The following NOC2L variants were observed in gnomAD, a reference collection of about 807,000 sequenced individuals.
NOC2L encodes nucleolar complex protein 2 homolog.
NOC2L carries 101 observed loss-of-function variants against 94.2 expected under a neutral mutation model. That is an observed-to-expected ratio of 1.07 (90% CI 0.91 to 1.26). The LOEUF (loss-of-function observed/expected upper bound fraction) is 1.26, where lower values mean the gene tolerates loss of function less well. Ranked by LOEUF, NOC2L falls within the 50% of genes most tolerant of loss-of-function variation. The probability of loss-of-function intolerance (pLI) is 0.00; values close to 1 mark genes in which losing one functional copy is unlikely to be tolerated. For synonymous variants in NOC2L, 531 were observed against 413.4 expected, an observed-to-expected ratio of 1.28 and a Z score of -3.45; for missense variants, 1,076 against 980.1, an observed-to-expected ratio of 1.10 and a Z score of -1.31.
chr1:944,657 G>C lies in NOC2L; in HGVS notation c.*37C>G. The C allele has an allele frequency of 7.4e-7, 1 of 1,342,642 alleles. No individual in the cohort carries two copies. Among genetic ancestry groups the C allele is most frequent in the Non-Finnish European group, 1.0e-6 (1 of 958,822 alleles). The allele number at this position is 1,342,642 out of a possible 1,614,324, so 83.2% of individuals were successfully genotyped here. A position where few individuals can be genotyped will look rare whatever the true frequency, so the allele number is the denominator to read the frequency against. On this transcript the variant is annotated 3_prime_UTR_variant, in exon 19 of 19. Transcript: ENST00000327044. ...AGGGAGGTGGAAACACTGGCCACCA[G>C]CCCGGCAGCCCCTACAGGCCCCCCA...
chr1:947,995 G>A (rs1325308794), intron 14 of NOC2L, 136 bp downstream of exon 14: 6 of 686,764 alleles, frequency 8.7e-6, no homozygotes, highest in African/African-American at 1.8e-5. Context: ...GGCCTCACGG[G>A]GCGCGTTGCC....
At position 955,305 on chromosome 1, in the gene NOC2L, C is replaced by A. The variant is rs531106332; in HGVS notation, c.698+618G>T. On this transcript the variant is annotated intron_variant, in intron 6 of 18. Transcript: ENST00000327044. ...CGGCGAGACCTCTCCTGTGGGTCTC[C>A]TTTCTTCCTTTGAAGGTGTCCTGGG... is the stretch of plus-strand genomic sequence containing the variant. Among the ~76,000 whole-genome samples, 10 of 152,374 alleles carry A rather than the reference C, an allele frequency of 6.6e-5. No individual in the cohort carries two copies. The South Asian group carries it at 1.7e-3, about 25-fold the overall frequency.
Position 945,555 on chromosome 1 carries a change from G to C in NOC2L, c.2016C>G (p.Ser672Arg). ...ATCCCTCGGTGTCGTCCTCTTCAGA[G>C]CTGTTCAGGTCAAAGAGGTCTTTAA... ...KQFKDLFDLNSSEEDDTEGFS... is the reference protein window; with the variant it reads ...KQFKDLFDLNRSEEDDTEGFS... Residue 672 changes from serine to arginine, a missense_variant, in exon 17 of 19, where the codon AGC (serine) becomes AGG (arginine). By Grantham distance (110) the Ser-to-Arg change is moderately radical. This residue lies in a region of NOC2L where 615 missense variants were observed against 577.4 expected (regional missense o/e 1.07). Coordinates refer to ENST00000327044, the MANE Select transcript of NOC2L (RefSeq NM_015658.4). 3 of 1,614,010 alleles carry C rather than the reference G, an allele frequency of 1.9e-6. No individual in the cohort carries two copies. The highest frequency in any genetic ancestry group is 2.5e-6 in the Non-Finnish European group (3 of 1,179,904).
In NOC2L at chr1:954,092, G is replaced by A; in HGVS notation, c.699-10C>T. ...GGACGGCTGCAGCATCCTGCAGAGA[G>A]ACCACCCACCCCTGGCTGGGAGGCC... On this transcript the variant is annotated splice_polypyrimidine_tract_variant and intron_variant, in intron 6 of 18. Transcript: ENST00000327044. The A allele has an allele frequency of 6.2e-7, 1 of 1,611,140 alleles. No individual in the cohort carries two copies. Among genetic ancestry groups the A allele is most frequent in the Non-Finnish European group, 8.5e-7 (1 of 1,178,654 alleles).
intron 6 of NOC2L, among the ~76,000 whole-genome samples, chr1:955,442 G>A (rs1261324763): frequency 6.6e-6 from 1 of 152,184 alleles, no homozygotes; most frequent in Non-Finnish European, 1.5e-5. Flanking sequence ...TCTCTTCTCT[G>A]AAAACCTTCC....
chr1:957,758 C>T (rs1021796361), intron 2 of NOC2L: 10 of 163,006 alleles, frequency 6.1e-5, no homozygotes, highest in Non-Finnish European at 1.1e-4. Flanking sequence ...TGTTTCCACC[C>T]TTGTCACCTA....
At chr1:947,848 AC>A (rs2100380422) in intron 14 of NOC2L, among the ~76,000 whole-genome samples, 1 of 152,292 alleles carries the variant, frequency 6.6e-6, no homozygotes, top group South Asian at 2.1e-4. Context: ...CTCAGTCCCA[AC>A]CCCGAAGCAA....
rs557847793 is a variant in NOC2L, at chr1:944,553, G to A, written c.*141C>T. ...CTCGATACGTTTGGTCTTTCATGCT[G>A]AAAAATAAATAATAAAGCCTGTCCC... On this transcript the variant is annotated 3_prime_UTR_variant, in exon 19 of 19. Transcript: ENST00000327044. 23 of 634,912 alleles carry A rather than the reference G, an allele frequency of 3.6e-5. No homozygotes were observed. The highest frequency in any genetic ancestry group is 5.3e-5 in the Non-Finnish European group (20 of 375,896). The allele number at this position is 634,912 out of a possible 1,614,324, so 39.3% of individuals were successfully genotyped here.
At position 946,254 on chromosome 1, in the gene NOC2L, C is replaced by T. The variant is rs755021928; in HGVS notation, c.1836G>A (p.Gly612=). The change falls in exon 16 of 19, where the codon GGG becomes GGA. Residue 612 remains glycine, a synonymous_variant. Coordinates refer to ENST00000327044, the MANE Select transcript of NOC2L (RefSeq NM_015658.4). ...EAWEKLTREE[G]TPLTLYYSHW... is the part of the protein sequence containing the mutation. ...GGCTGTAGTACAAGGTCAGGGGTGT[C>T]CCCTCTTCCCGGGTCAGCTTCTCCC... 6.2e-7 allele frequency: 1 copy of T among 1,613,736 alleles called. No individual in the cohort carries two copies. The highest frequency in any genetic ancestry group is 1.1e-5 in the South Asian group (1 of 91,076).
rs754991971 is a variant in NOC2L at position 956,187 on chromosome 1, T to A, written c.515A>T (p.Glu172Val). ...AGCTGCTCGGAACGCCTGTACCACTTCATGGAACAGCTTTGGAGTGAGGCG... is the reference window on the plus strand; with the variant it reads ...AGCTGCTCGGAACGCCTGTACCACTACATGGAACAGCTTTGGAGTGAGGCG... ...KQRLTPKLFH[E>V]VVQAFRAAVA... Residue 172 changes from glutamate to valine, a missense_variant, in exon 5 of 19, where the codon GAA becomes GTA. Around this residue, in one of 3 missense-constraint regions of NOC2L, gnomAD observed 457 missense variants for 386.0 expected, o/e 1.18. Coordinates refer to ENST00000327044, the MANE Select transcript of NOC2L (RefSeq NM_015658.4). 1.4e-5 allele frequency: 22 copies of A among 1,613,776 alleles called. No individual in the cohort carries two copies. Among genetic ancestry groups the A allele is most frequent in the Non-Finnish European group, 1.8e-5 (21 of 1,179,988 alleles).
At chr1:957,369 C>G (rs1642440391) in intron 2 of NOC2L, 96 bp from the exon 3 acceptor site, 2 of 1,184,046 alleles carry the variant, frequency 1.7e-6, no homozygotes, top group South Asian at 2.9e-5. Flanking sequence ...ACAAGGGTTA[C>G]CAACTAGCAA....
intron 12 of NOC2L, 45 bp downstream of exon 12, chr1:951,082 C>T (rs757185996): frequency 7.2e-7 from 1 of 1,398,512 alleles, no homozygotes; most frequent in South Asian, 1.2e-5. Flanking sequence ...ATGCTCCCTA[C>T]AGGAGCAGGC....
rs112515528 is a variant in NOC2L at position 948,478 on chromosome 1, G to A, written c.1557+12C>T. 10 of 1,602,168 alleles carry A rather than the reference G, an allele frequency of 6.2e-6. No homozygotes were observed. The highest frequency in any genetic ancestry group is 1.3e-5 in the African/African-American group (1 of 74,832). ...GAACTGCCCAGGCCCCTCCCCAGGA[G>A]GCCAGCCTCACCCGGTACGCCTTCT... On this transcript the variant is annotated intron_variant, in intron 13 of 18. Transcript: ENST00000327044.
intron 6 of NOC2L, among the ~76,000 whole-genome samples, chr1:954,790 C>A (rs1462724589): frequency 6.6e-6 from 1 of 151,876 alleles, no homozygotes; most frequent in East Asian, 1.9e-4. Flanking sequence ...TCACTGCATT[C>A]CAGCCTGGGC....
chr1:952,264 TC>T (rs1208056648), intron 10 of NOC2L, 125 bp from the exon 11 acceptor site: 2 of 1,393,488 alleles, frequency 1.4e-6, no homozygotes, highest in Non-Finnish European at 2.0e-6. Flanking sequence ...CATCCACCCT[TC>T]CCCCACCTGC....
chr1:956,061 G>C, intron 5 of NOC2L, 34 bp downstream of exon 5: 4 of 1,614,098 alleles, frequency 2.5e-6, no homozygotes, highest in East Asian at 2.2e-5. Flanking sequence ...GAACGCAACA[G>C]ACAGCCTGGA....
intron 16 of NOC2L, 141 bp downstream of exon 16, chr1:946,032 T>C (rs1007422897): frequency 3.0e-6 from 2 of 665,014 alleles, no homozygotes; most frequent in Non-Finnish European, 5.1e-6. Context: ...ACCTACCCCC[T>C]CTCCAAGTCG....
chr1:952,276 A>C, intron 10 of NOC2L, 136 bp downstream of exon 10: 2 of 1,396,132 alleles, frequency 1.4e-6, no homozygotes, highest in Non-Finnish European at 2.0e-6. Flanking sequence ...CCCCACCTGC[A>C]AGGACCGACT....
chr1:953,319 C>CCCAGCCT lies in NOC2L; in HGVS notation c.889-38_889-32dup, dbSNP rs1332198174. 7.4e-6 allele frequency: 10 copies of CCCAGCCT among 1,343,134 alleles called. 1 individual carries two copies. The South Asian group carries it at 1.1e-4, about 14-fold the overall frequency. The allele number at this position is 1,343,134 out of a possible 1,614,324, so 83.2% of individuals were successfully genotyped here. A position where few individuals can be genotyped will look rare whatever the true frequency, so the allele number is the denominator to read the frequency against. On this transcript the variant is annotated intron_variant, in intron 8 of 18. Coordinates refer to ENST00000327044, the MANE Select transcript of NOC2L (RefSeq NM_015658.4). ...GAAGGTCAGACGTCACTGGTGGCCC[C>CCCAGCCT]CCAGCCTCCTCAGCAGGGATGCCCC...
Sources: gnomAD v4.1 joint callset for allele counts (sites outside exome capture counted in the v4.1 genomes callset) on GRCh38, gnomAD v4.1.1 for gene constraint, gnomAD v4.1.1 regional missense constraint, MANE v1.5 for transcripts, NCBI Gene and HGNC (gene_info 2026-07-23, HGNC 2026-07-21) for gene names.